The following CAMTA1 variants were observed in gnomAD, a reference collection of about 807,000 sequenced individuals.
CAMTA1 encodes calmodulin-binding transcription activator 1.
In CAMTA1, 27 loss-of-function variants were observed where a neutral mutation model predicts 170.9. That is an observed-to-expected ratio of 0.16 (90% CI 0.12 to 0.22). CAMTA1 has a LOEUF of 0.22. CAMTA1 is among the 10% of genes least tolerant of loss of function. The pLI, the probability that CAMTA1 is intolerant of heterozygous loss-of-function variation, is 1.00. For missense variants in CAMTA1, 1,619 were observed against 2,217.2 expected, an observed-to-expected ratio of 0.73 and a Z score of 5.42; for synonymous variants, 833 against 891.5, an observed-to-expected ratio of 0.93 and a Z score of 1.17.
At chr1:7,653,711 A>T (rs2095861773) in intron 7 of CAMTA1, among the ~76,000 whole-genome samples, 2 of 152,224 alleles carry the variant, frequency 1.3e-5, no homozygotes, top group Non-Finnish European at 2.9e-5. Context: ...AATTAAAAAA[A>T]AAAGTGCTAG....
intron 4 of CAMTA1, among the ~76,000 whole-genome samples, chr1:7,141,979 C>G (rs941837666): frequency 6.6e-6 from 1 of 152,214 alleles, no homozygotes; most frequent in African/African-American, 2.4e-5. Flanking sequence ...AGAGTTGGGT[C>G]CTCTGACTTC....
chr1:7,593,988 G>A (rs2095374021), intron 6 of CAMTA1, among the ~76,000 whole-genome samples: 2 of 150,410 alleles, frequency 1.3e-5, no homozygotes, highest in South Asian at 4.2e-4. Context: ...GTTGCAGTGA[G>A]CCAAGATCGT....
intron 3 of CAMTA1, among the ~76,000 whole-genome samples, chr1:7,062,506 C>T (rs1708368026): frequency 6.6e-6 from 1 of 152,090 alleles, no homozygotes; most frequent in Non-Finnish European, 1.5e-5. Context: ...TGCACAATGG[C>T]TGGGCGCCGG....
chr1:6,897,713 T>C (rs1021736256), intron 3 of CAMTA1, among the ~76,000 whole-genome samples: 39 of 152,204 alleles, frequency 2.6e-4, no homozygotes, highest in African/African-American at 8.9e-4. Context: ...GGTGATTATT[T>C]GTTTGAAAAT....
chr1:7,306,338 TTTTTG>T (rs1675589856), intron 5 of CAMTA1, among the ~76,000 whole-genome samples: 1 of 152,030 alleles, frequency 6.6e-6, no homozygotes, highest in South Asian at 2.1e-4. Flanking sequence ...TGTTTTTTTG[TTTTTG>T]TTTGCATTTA....
intron 7 of CAMTA1, among the ~76,000 whole-genome samples, chr1:7,659,520 C>A (rs545542671): frequency 1.3e-5 from 2 of 151,950 alleles, no homozygotes; most frequent in African/African-American, 4.8e-5. Flanking sequence ...GGCAACAGAG[C>A]GAGACTCTGT....
intron 3 of CAMTA1, among the ~76,000 whole-genome samples, chr1:7,084,972 T>C (rs1471019565): frequency 6.6e-6 from 1 of 152,266 alleles, no homozygotes; most frequent in Non-Finnish European, 1.5e-5. Flanking sequence ...ATGTAGCTTC[T>C]AGAAATTTTA....
At chr1:6,958,755 AT>A (rs1557886083) in intron 3 of CAMTA1, among the ~76,000 whole-genome samples, 1 of 152,124 alleles carries the variant, frequency 6.6e-6, no homozygotes, top group Non-Finnish European at 1.5e-5. Context: ...TACAGTATTT[AT>A]TTTTTTTAAT....
chr1:7,125,475 A>T (rs962865112), intron 4 of CAMTA1, among the ~76,000 whole-genome samples: 19 of 152,296 alleles, frequency 1.2e-4, no homozygotes, highest in African/African-American at 4.1e-4. Flanking sequence ...GTCAGCCCAG[A>T]GACCATGATG....
intron 3 of CAMTA1, among the ~76,000 whole-genome samples, chr1:6,917,995 T>C (rs1311781240): frequency 1.3e-5 from 2 of 152,082 alleles, no homozygotes; most frequent in African/African-American, 2.4e-5. Context: ...GTCCATGCTG[T>C]CTGGGACCTA....
chr1:6,914,102 CTTT>C (rs35814913), intron 3 of CAMTA1, among the ~76,000 whole-genome samples: 8 of 122,054 alleles, frequency 6.6e-5, no homozygotes, highest in Admixed American at 8.9e-5. Context: ...GGGCTCATCT[CTTT>C]TTTTTTTTTT....
chr1:7,706,871 T>G (rs2096529678), intron 11 of CAMTA1, among the ~76,000 whole-genome samples: 1 of 149,714 alleles, frequency 6.7e-6, no homozygotes, highest in African/African-American at 2.5e-5. Flanking sequence ...GGCGGATGCA[T>G]TATTTCAGGC....
intron 3 of CAMTA1, among the ~76,000 whole-genome samples, chr1:7,003,878 G>T (rs1698600460): frequency 6.6e-6 from 1 of 152,228 alleles, no homozygotes; most frequent in South Asian, 2.1e-4. Context: ...GTCAAGGCCT[G>T]CCAACACATG....
intron 5 of CAMTA1, among the ~76,000 whole-genome samples, chr1:7,271,360 A>T (rs1463685167): frequency 6.6e-6 from 1 of 152,192 alleles, no homozygotes; most frequent in Non-Finnish European, 1.5e-5. Context: ...AACTATGATA[A>T]AATAAACTTG....
At chr1:7,148,111 ACG>A (rs1646339560) in intron 4 of CAMTA1, among the ~76,000 whole-genome samples, 1 of 151,516 alleles carries the variant, frequency 6.6e-6, no homozygotes, top group East Asian at 2.0e-4. Flanking sequence ...CACCACACAC[ACG>A]CACACACACT....
chr1:6,850,290 C>T (rs1402610467), intron 3 of CAMTA1, among the ~76,000 whole-genome samples: 1 of 152,072 alleles, frequency 6.6e-6, no homozygotes, highest in Non-Finnish European at 1.5e-5. Flanking sequence ...GTGTAAATGG[C>T]AAACTAGGAA....
intron 4 of CAMTA1, among the ~76,000 whole-genome samples, chr1:7,217,657 C>T (rs561759258): frequency 5.3e-5 from 8 of 152,072 alleles, no homozygotes; most frequent in African/African-American, 1.7e-4. Context: ...CATTTTTAGT[C>T]TAATGGGTAC....
intron 5 of CAMTA1, among the ~76,000 whole-genome samples, chr1:7,432,984 C>G (rs1200741950): frequency 6.6e-6 from 1 of 152,232 alleles, no homozygotes; most frequent in Non-Finnish European, 1.5e-5. Flanking sequence ...CCAGACCCGA[C>G]AGACCCCCAG....
intron 5 of CAMTA1, among the ~76,000 whole-genome samples, chr1:7,253,828 T>C (rs551048302): frequency 1.3e-5 from 2 of 152,268 alleles, no homozygotes; most frequent in African/African-American, 4.8e-5. Flanking sequence ...AGTCAGCACC[T>C]ATTTATTTAG....
Sources: gnomAD v4.1 joint callset for allele counts (sites outside exome capture counted in the v4.1 genomes callset) on GRCh38, gnomAD v4.1.1 for gene constraint, MANE v1.5 for transcripts, NCBI Gene and HGNC (gene_info 2026-07-23, HGNC 2026-07-21) for gene names.